The following IGF2R variants were observed in gnomAD, a reference collection of about 807,000 sequenced individuals.
IGF2R encodes cation-independent mannose-6-phosphate receptor.
In IGF2R, 91 loss-of-function variants were observed where a neutral mutation model predicts 270.6. That is an observed-to-expected ratio of 0.34 (90% confidence interval 0.28 to 0.40). The LOEUF (loss-of-function observed/expected upper bound fraction) is 0.40, where lower values mean the gene tolerates loss of function less well. Among genes scored for constraint, IGF2R ranks in the 10% least tolerant of loss-of-function variants. IGF2R has a pLI of 1.00. For missense variants in IGF2R, 2,805 were observed against 3,188.3 expected (o/e 0.88, Z 2.90); for synonymous variants, 1,316 against 1,258.9 (o/e 1.05, Z -0.96).
chr6:160,090,207 A>G (rs1779188274), intron 44 of IGF2R, 104 bp downstream of exon 44: 2 of 777,138 alleles, frequency 2.6e-6, no homozygotes, highest in Non-Finnish European at 1.9e-6. Context: ...ACCACTTTTA[A>G]AACAAAAACC....
At chr6:160,062,168 A>ATTTTTTT (rs34356477) in intron 25 of IGF2R, among the ~76,000 whole-genome samples, 1 of 106,616 alleles carries the variant, frequency 9.4e-6, no homozygotes, top group African/African-American at 3.7e-5. Context: ...CATTTATTTA[A>ATTTTTTT]TTTTTTTTTT....
chr6:160,024,716 T>G lies in IGF2R; in HGVS notation c.646+12T>G, dbSNP rs1320442192. On this transcript the variant is annotated intron_variant, in intron 5 of 47. Coordinates refer to ENST00000356956, the MANE Select transcript of IGF2R (RefSeq NM_000876.4). Reference sequence around the variant, plus strand: ...TTGTAGAGACATAGGTATGAATCTTTGTGGGGCTGAGGGGGTGGTGGTGAG... The same window carrying G: ...TTGTAGAGACATAGGTATGAATCTTGGTGGGGCTGAGGGGGTGGTGGTGAG... The G allele has an allele frequency of 9.3e-6, 15 of 1,613,708 alleles. No homozygotes were observed. Among genetic ancestry groups the G allele is most frequent in the Non-Finnish European group, 1.3e-5 (15 of 1,179,704 alleles).
chr6:159,985,845 A>G (rs1783873918), intron 1 of IGF2R, among the ~76,000 whole-genome samples: 1 of 152,210 alleles, frequency 6.6e-6, no homozygotes, highest in Admixed American at 6.5e-5. Context: ...TACGCTCTGA[A>G]AAATGACATA....
rs201883235 is a variant in IGF2R at position 160,060,729 on chromosome 6, C to T, written c.3262+12C>T. 1.1e-4 allele frequency: 175 copies of T among 1,613,756 alleles called. 1 individual carries two copies. The highest frequency in any genetic ancestry group is 1.5e-4 in the African/African-American group (11 of 75,040). On this transcript the variant is annotated intron_variant, in intron 23 of 47. Coordinates refer to ENST00000356956, the MANE Select transcript of IGF2R (RefSeq NM_000876.4). ...CTGCCAAGTCACCGGTAAGGCCGTG[C>T]GGCCTAAGAACTGAGAGGCCGGTCA...
rs1038861370 is a variant in IGF2R at position 160,050,158 on chromosome 6, T to C, written c.2515-315T>C. Among the ~76,000 whole-genome samples, 16 of 152,330 alleles carry C rather than the reference T, an allele frequency of 1.1e-4. No homozygotes were observed. Among genetic ancestry groups the C allele is most frequent in the African/African-American group, 3.6e-4 (15 of 41,578 alleles). ...CGATTATTGAACGAAAGCCTTATGA[T>C]TCCAATGCCAGTGATTCTTTCTGTA... is the stretch of plus-strand genomic sequence containing the variant. On this transcript the variant is annotated intron_variant, in intron 18 of 47. Transcript: ENST00000356956. The surrounding 1 kb of genome is among the most constrained non-coding windows in gnomAD (Gnocchi z 4.0).
chr6:159,974,311 T>C (rs1225309802), intron 1 of IGF2R, among the ~76,000 whole-genome samples: 1 of 152,254 alleles, frequency 6.6e-6, no homozygotes, highest in Admixed American at 6.5e-5. Flanking sequence ...ATGTGCTTAC[T>C]GACTGGGTAT....
At position 160,077,916 on chromosome 6, in the gene IGF2R, C is replaced by G. The variant is rs137985331; in HGVS notation, c.5317-285C>G. 6.6e-3 allele frequency among the ~76,000 whole-genome samples: 1,008 copies of G among 152,360 alleles called. 8 individuals carry two copies. The highest frequency in any genetic ancestry group is 0.014 in the Middle Eastern group (4 of 294). ...CTCTCATGACATATAAGCCCTCCCC[C>G]TTTCTTCCTTTGAACCCGTAGCACA... On this transcript the variant is annotated intron_variant, in intron 36 of 47. Coordinates refer to ENST00000356956, the MANE Select transcript of IGF2R (RefSeq NM_000876.4).
Position 160,080,241 on chromosome 6 carries a change from C to T in IGF2R, c.5799C>T (p.Tyr1933=), listed in dbSNP as rs2230049. The T allele has an allele frequency of 3.2e-5, 51 of 1,614,102 alleles. No homozygotes were observed. In the African/African-American group the frequency reaches 4.7e-4, roughly 15 times the overall value. ...AKLWCSTTAD[Y]DRDHEWGFCR... ...TGTGGTGTAGCACAACTGCGGACTA[C>T]GACAGAGACCACGAGTGGGGCTTCT... Residue 1933 remains tyrosine, a synonymous_variant, in exon 39 of 48, where the codon TAC becomes TAT. Coordinates refer to ENST00000356956, the MANE Select transcript of IGF2R (RefSeq NM_000876.4).
At chr6:159,979,685 C>T (rs1783749417) in intron 1 of IGF2R, among the ~76,000 whole-genome samples, 1 of 152,086 alleles carries the variant, frequency 6.6e-6, no homozygotes, top group Non-Finnish European at 1.5e-5. Flanking sequence ...TGGTGGGGGG[C>T]CTGCATGTCA....
chr6:159,972,990 G>T (rs1447322311), intron 1 of IGF2R, among the ~76,000 whole-genome samples: 1 of 152,176 alleles, frequency 6.6e-6, no homozygotes, highest in Admixed American at 6.5e-5. Flanking sequence ...TCTTATGCAG[G>T]TATTTCTTGG....
At chr6:160,008,193 G>C (rs535745751) in intron 2 of IGF2R, among the ~76,000 whole-genome samples, 1 of 152,344 alleles carries the variant, frequency 6.6e-6, no homozygotes, top group South Asian at 2.1e-4. Context: ...CTTGTGTTTA[G>C]AGTTGATTTT....
At chr6:160,092,414 A>G (rs948179873) in intron 44 of IGF2R, among the ~76,000 whole-genome samples, 11 of 152,254 alleles carry the variant, frequency 7.2e-5, no homozygotes, top group African/African-American at 2.7e-4. Flanking sequence ...CACAAGTGGT[A>G]TGTCTAGCAG....
chr6:159,977,980 C>T (rs555180160), intron 1 of IGF2R, among the ~76,000 whole-genome samples: 41 of 152,180 alleles, frequency 2.7e-4, no homozygotes, highest in African/African-American at 9.2e-4. Flanking sequence ...GGCACGTCCT[C>T]GGTGTTCATT....
chr6:159,985,915 G>A (rs1016145783), intron 1 of IGF2R, among the ~76,000 whole-genome samples: 1 of 152,218 alleles, frequency 6.6e-6, no homozygotes, highest in African/African-American at 2.4e-5. Flanking sequence ...GTCCCAGAGT[G>A]ATGGTTTTGA....
Position 160,025,299 on chromosome 6 carries a change from C to A in IGF2R, c.646+595C>A, listed in dbSNP as rs573170815. ...GTTTTACTAAGCCAAGTTTCTAAAA[C>A]CCAGCTTGATGTTCCCCTCAGGGCT... On this transcript the variant is annotated intron_variant, in intron 5 of 47. Coordinates refer to ENST00000356956, the MANE Select transcript of IGF2R (RefSeq NM_000876.4). Among the ~76,000 whole-genome samples, 395 of 152,306 alleles carry A rather than the reference C, an allele frequency of 2.6e-3. 3 individuals carry two copies. The highest frequency in any genetic ancestry group is 8.9e-3 in the African/African-American group (369 of 41,554).
At position 160,010,672 on chromosome 6, in the gene IGF2R, ATT is replaced by A; in HGVS notation, c.415-7_415-6del. On this transcript the variant is annotated splice_polypyrimidine_tract_variant and intron_variant, in intron 3 of 47. Transcript: ENST00000356956. ...GTGGTATGGTAACATTATAATTACT[ATT>A]TTTTTTTAATAGGGAACTCCTGAAT... 4 of 1,415,756 alleles carry A rather than the reference ATT, an allele frequency of 2.8e-6. No individual in the cohort carries two copies. Among genetic ancestry groups the A allele is most frequent in the Non-Finnish European group, 4.0e-6 (4 of 1,004,320 alleles). 87.7% of individuals were successfully genotyped at this position (1,415,756 alleles called of 1,614,324 possible).
At position 160,003,095 on chromosome 6, in the gene IGF2R, C is replaced by T. The variant is rs969764381; in HGVS notation, c.290-5915C>T. Among the ~76,000 whole-genome samples, 4 of 152,250 alleles carry T rather than the reference C, an allele frequency of 2.6e-5. No individual in the cohort carries two copies. The South Asian group carries it at 6.2e-4, about 24-fold the overall frequency. On this transcript the variant is annotated intron_variant, in intron 2 of 47. Transcript: ENST00000356956. ...ACACAGTGAGTCCGACTGTAGTTGC[C>T]GTCCCAGGTGATTCATTTACTTTAA...
Position 159,978,126 on chromosome 6 carries a change from A to T in IGF2R, c.149+8731A>T, listed in dbSNP as rs564395511. ...CTTGGGGTTTCTGCCTCAACCAGAG[A>T]GCATTTCTTCTTCATCTGTTTCATG... On this transcript the variant is annotated intron_variant, in intron 1 of 47. Transcript: ENST00000356956. Among the ~76,000 whole-genome samples, 49 of 152,148 alleles carry T rather than the reference A, an allele frequency of 3.2e-4. No homozygotes were observed. The South Asian group carries it at 0.01, about 32-fold the overall frequency.
intron 20 of IGF2R, among the ~76,000 whole-genome samples, chr6:160,056,956 T>C (rs1268542444): frequency 6.6e-6 from 1 of 152,150 alleles, no homozygotes; most frequent in Non-Finnish European, 1.5e-5. Context: ...CTGCAGGTGT[T>C]AATGTGATCC....
Sources: gnomAD v4.1 joint callset for allele counts (sites outside exome capture counted in the v4.1 genomes callset) on GRCh38, gnomAD v4.1.1 for gene constraint, Gnocchi (gnomAD v3.1) non-coding constraint, MANE v1.5 for transcripts, NCBI Gene and HGNC (gene_info 2026-07-23, HGNC 2026-07-21) for gene names.